Variants in PTPRQ observed in about 807,000 individuals in gnomAD.
PTPRQ encodes protein tyrosine phosphatase receptor type Q.
A neutral mutation model predicts 246.0 loss-of-function variants in PTPRQ; 199 were observed. The observed-to-expected ratio is 0.81, with a 90% CI of 0.72 to 0.91. PTPRQ has a LOEUF of 0.91. Ranked by LOEUF, PTPRQ falls within the 40% of genes least tolerant of loss-of-function variation. PTPRQ has a pLI of 0.00. For missense variants in PTPRQ, 2,624 were observed against 2,528.4 expected, an observed-to-expected ratio of 1.04 and a Z score of -0.81; for synonymous variants, 869 against 853.2, an observed-to-expected ratio of 1.02 and a Z score of -0.32.
intron 9 of PTPRQ, among the ~76,000 whole-genome samples, chr12:80,488,390 G>A (rs1267067303): frequency 6.6e-6 from 1 of 152,102 alleles, no homozygotes; most frequent in African/African-American, 2.4e-5. Context: ...CCAGATTTAA[G>A]TATGTTATTT....
At chr12:80,652,476 A>G (rs1900288408) in intron 37 of PTPRQ, among the ~76,000 whole-genome samples, 1 of 152,122 alleles carries the variant, frequency 6.6e-6, no homozygotes, top group African/African-American at 2.4e-5. Flanking sequence ...GGTCACTAAC[A>G]TGGTTGCCAC....
chr12:80,455,243 CT>C (rs1892937946), intron 3 of PTPRQ, among the ~76,000 whole-genome samples: 1 of 152,016 alleles, frequency 6.6e-6, no homozygotes, highest in Admixed American at 6.5e-5. Flanking sequence ...TATAAAGTGT[CT>C]TTATAGAGTA....
At chr12:80,631,618 C>T (rs1424446967) in intron 33 of PTPRQ, among the ~76,000 whole-genome samples, 2 of 152,104 alleles carry the variant, frequency 1.3e-5, no homozygotes, top group Non-Finnish European at 2.9e-5. Flanking sequence ...TACCATCTTT[C>T]CAAAGTTACA....
chr12:80,482,350 C>T (rs1211327525), intron 8 of PTPRQ, among the ~76,000 whole-genome samples: 1 of 151,934 alleles, frequency 6.6e-6, no homozygotes, highest in Non-Finnish European at 1.5e-5. Context: ...GGATCCCTTC[C>T]TTACACCTTA....
At chr12:80,479,887 C>T (rs1214593451) in intron 8 of PTPRQ, among the ~76,000 whole-genome samples, 7 of 151,802 alleles carry the variant, frequency 4.6e-5, no homozygotes, top group African/African-American at 2.4e-5. Flanking sequence ...TCCTGAGTGA[C>T]CTACAAAGAG....
chr12:80,554,042 T>G (rs1341863970), intron 25 of PTPRQ, among the ~76,000 whole-genome samples: 1 of 148,874 alleles, frequency 6.7e-6, no homozygotes, highest in African/African-American at 2.5e-5. Context: ...GAGTGTAGAA[T>G]GATGGTTTCC....
intron 25 of PTPRQ, among the ~76,000 whole-genome samples, chr12:80,564,204 C>G (rs1322727251): frequency 1.3e-5 from 2 of 152,136 alleles, no homozygotes; most frequent in Non-Finnish European, 1.5e-5. Context: ...ATCTCGTCAT[C>G]TAGCATTAAG....
At chr12:80,605,211 A>C in intron 27 of PTPRQ, 31 bp downstream of exon 27, 5 of 1,531,406 alleles carry the variant, frequency 3.3e-6, no homozygotes, top group Non-Finnish European at 4.4e-6. Context: ...TGTAAAAGCC[A>C]GTATAAAATG....
chr12:80,554,095 C>G (rs572827329), intron 25 of PTPRQ, among the ~76,000 whole-genome samples: 1 of 149,940 alleles, frequency 6.7e-6, no homozygotes, highest in African/African-American at 2.5e-5. Flanking sequence ...GTAGGAAAAG[C>G]GGGGATGGTT....
intron 3 of PTPRQ, among the ~76,000 whole-genome samples, chr12:80,452,734 C>T (rs992604317): frequency 2.0e-4 from 31 of 152,196 alleles, no homozygotes; most frequent in African/African-American, 6.0e-4. Context: ...CTGAGAGATC[C>T]GCTGTTAGTC....
Position 80,597,172 on chromosome 12 carries a change from A to G in PTPRQ, c.4610-7887A>G, listed in dbSNP as rs78931960. Among the ~76,000 whole-genome samples, 683 of 152,038 alleles carry G rather than the reference A, an allele frequency of 4.5e-3. 4 individuals carry two copies. Among genetic ancestry groups the G allele is most frequent in the African/African-American group, 0.015 (625 of 41,506 alleles). ...CAAAATTATACTTTTGAGGTTTCTG[A>G]TACCCTTGATTTTCATTTTTCTTTA... is the stretch of plus-strand genomic sequence containing the variant. On this transcript the variant is annotated intron_variant, in intron 26 of 44. Coordinates refer to ENST00000644991, the MANE Select transcript of PTPRQ (RefSeq NM_001145026.2).
chr12:80,496,679 G>A, intron 14 of PTPRQ, 148 bp downstream of exon 14: 1 of 1,031,752 alleles, frequency 9.7e-7, no homozygotes, highest in Non-Finnish European at 1.3e-6. Context: ...TCTTTTTCAG[G>A]CAAAAGTGCA....
At chr12:80,494,314 T>C (rs1448377123) in intron 10 of PTPRQ, among the ~76,000 whole-genome samples, 4 of 152,038 alleles carry the variant, frequency 2.6e-5, no homozygotes, top group Non-Finnish European at 4.4e-5. Flanking sequence ...AAATTCTAAA[T>C]AAAGCGAAAA....
Position 80,679,182 on chromosome 12 carries a change from T to C in PTPRQ, c.*159T>C. 1 of 754,056 alleles carries C rather than the reference T, an allele frequency of 1.3e-6. No individual in the cohort carries two copies. Among genetic ancestry groups the C allele is most frequent in the Non-Finnish European group, 1.9e-6 (1 of 513,890 alleles). 46.7% of individuals were successfully genotyped at this position (754,056 alleles called of 1,614,324 possible). On this transcript the variant is annotated 3_prime_UTR_variant, in exon 45 of 45. Transcript: ENST00000644991. The stretch of plus-strand genomic sequence containing the variant: ...GGATTGAACATTTTAAGACTAGTTC[T>C]TGAAAATAGCTAATACAGAATAATT...
At chr12:80,467,096 A>G (rs1462081525) in intron 6 of PTPRQ, among the ~76,000 whole-genome samples, 5 of 152,194 alleles carry the variant, frequency 3.3e-5, no homozygotes, top group Non-Finnish European at 5.9e-5. Context: ...GAAAATTTTC[A>G]CAACCTACTC....
At chr12:80,579,517 A>G (rs1160938135) in intron 25 of PTPRQ, among the ~76,000 whole-genome samples, 1 of 152,098 alleles carries the variant, frequency 6.6e-6, no homozygotes, top group African/African-American at 2.4e-5. Flanking sequence ...GTCCTGTTGC[A>G]TTTACCTCTT....
chr12:80,582,898 T>G (rs548155866), intron 25 of PTPRQ, among the ~76,000 whole-genome samples: 6 of 152,270 alleles, frequency 3.9e-5, no homozygotes, highest in Non-Finnish European at 5.9e-5. Context: ...AAAAAACTTT[T>G]CAAGTATATC....
chr12:80,673,311 T>C lies in PTPRQ; in HGVS notation c.6738+7T>C. The C allele has an allele frequency of 6.5e-7, 1 of 1,544,364 alleles. No individual in the cohort carries two copies. The highest frequency in any genetic ancestry group is 1.4e-5 in the African/African-American group (1 of 72,634). Reference sequence around the variant, plus strand: ...GTGCATGGTGCAGAATCTGGTAAGATCTCTAAACCTGCACTGCATTCTAAA... The same window carrying C: ...GTGCATGGTGCAGAATCTGGTAAGACCTCTAAACCTGCACTGCATTCTAAA... On this transcript the variant is annotated splice_region_variant and intron_variant, in intron 43 of 44. Transcript: ENST00000644991.
At chr12:80,473,351 C>T (rs1325073354) in intron 8 of PTPRQ, among the ~76,000 whole-genome samples, 3 of 152,118 alleles carry the variant, frequency 2.0e-5, no homozygotes, top group African/African-American at 7.2e-5. Context: ...TGTGTAGCTT[C>T]TTCCTTAAAT....
Sources: gnomAD v4.1 joint callset for allele counts (sites outside exome capture counted in the v4.1 genomes callset) on GRCh38, gnomAD v4.1.1 for gene constraint, MANE v1.5 for transcripts, NCBI Gene and HGNC (gene_info 2026-07-23, HGNC 2026-07-21) for gene names.